Variants in KCNH8 observed in about 807,000 individuals in gnomAD.
KCNH8 encodes potassium voltage-gated channel subfamily H member 8, also known as voltage-gated delayed rectifier potassium channel KCNH8.
KCNH8 carries 70 observed loss-of-function variants against 103.6 expected under a neutral mutation model. The ratio of observed to expected loss-of-function variants is 0.68; its 90% CI spans 0.56 to 0.82. The LOEUF (loss-of-function observed/expected upper bound fraction) is 0.82, where lower values mean the gene tolerates loss of function less well. Ranked by LOEUF, KCNH8 falls within the 40% of genes least tolerant of loss-of-function variation. The pLI, the probability that KCNH8 is intolerant of heterozygous loss-of-function variation, is 0.00. For synonymous variants in KCNH8, 498 were observed against 489.4 expected (o/e 1.02, Z -0.23); for missense variants, 1,217 against 1,329.9 (o/e 0.92, Z 1.32).
chr3:19,260,519 T>TAG, intron 2 of KCNH8, among the ~76,000 whole-genome samples: 1 of 127,158 alleles, frequency 7.9e-6, no homozygotes, highest in East Asian at 2.4e-4. Flanking sequence ...TATATATATA[T>TAG]ATATATATAT....
At chr3:19,487,652 G>C (rs1289503700) in intron 11 of KCNH8, among the ~76,000 whole-genome samples, 2 of 152,252 alleles carry the variant, frequency 1.3e-5, no homozygotes, top group African/African-American at 4.8e-5. Context: ...TAGCTAGACT[G>C]GTTTTATCTC....
rs866918166 is a variant in KCNH8 at position 19,465,010 on chromosome 3, G to A, written c.2040+8028G>A. On this transcript the variant is annotated intron_variant, in intron 11 of 15. Transcript: ENST00000328405. ...AAGGAAATATGAATAGGTAACTCAAGAAAAGTTTTGAAGGCATTACTTAGA... is the reference window on the plus strand; with the variant it reads ...AAGGAAATATGAATAGGTAACTCAAAAAAAGTTTTGAAGGCATTACTTAGA... Among the ~76,000 whole-genome samples, 5 of 152,260 alleles carry A rather than the reference G, an allele frequency of 3.3e-5. 1 individual carries two copies. The highest frequency in any genetic ancestry group is 2.1e-4 in the South Asian group (1 of 4,824).
At chr3:19,505,403 C>A (rs530235220) in intron 11 of KCNH8, among the ~76,000 whole-genome samples, 1 of 152,146 alleles carries the variant, frequency 6.6e-6, no homozygotes, top group African/African-American at 2.4e-5. Flanking sequence ...ACCCCCGTGA[C>A]ACAAGTTTAC....
At chr3:19,201,697 C>A (rs2063665017) in intron 1 of KCNH8, among the ~76,000 whole-genome samples, 1 of 151,946 alleles carries the variant, frequency 6.6e-6, no homozygotes. Flanking sequence ...TCCTGGGTAC[C>A]TTGAAGAACT....
At chr3:19,300,066 T>C (rs560360357) in intron 3 of KCNH8, among the ~76,000 whole-genome samples, 73 of 151,948 alleles carry the variant, frequency 4.8e-4, no homozygotes, top group African/African-American at 1.7e-3. Flanking sequence ...CTGGCCAACA[T>C]GGCGAAACCC....
intron 11 of KCNH8, among the ~76,000 whole-genome samples, chr3:19,506,307 T>A (rs2125237905): frequency 6.6e-6 from 1 of 152,282 alleles, no homozygotes; most frequent in South Asian, 2.1e-4. Context: ...AACTGTGGTG[T>A]AATTTGGGTA....
rs1405181706 is a variant in KCNH8, at chr3:19,527,384, A to G, written c.2620-6011A>G. On this transcript the variant is annotated intron_variant, in intron 15 of 15. Coordinates refer to ENST00000328405, the MANE Select transcript of KCNH8 (RefSeq NM_144633.3). The stretch of plus-strand genomic sequence containing the variant: ...CTTGCAGAAGTTCTCTACCAAGCTT[A>G]GTGCCTGTGTCACAAATCCACTATC... Among the ~76,000 whole-genome samples the G allele has an allele frequency of 2.0e-5, 3 of 152,208 alleles. No individual in the cohort carries two copies. The East Asian group carries it at 5.8e-4, about 29-fold the overall frequency.
intron 1 of KCNH8, among the ~76,000 whole-genome samples, chr3:19,156,166 A>G (rs566303504): frequency 3.9e-5 from 6 of 152,250 alleles, no homozygotes; most frequent in South Asian, 4.1e-4. Context: ...AATAGTGTCT[A>G]TCATCTTGGG....
chr3:19,266,355 G>T (rs1292288912), intron 2 of KCNH8, among the ~76,000 whole-genome samples: 1 of 151,848 alleles, frequency 6.6e-6, no homozygotes, highest in Non-Finnish European at 1.5e-5. Flanking sequence ...AACTTGCCTT[G>T]TGCCTTTGTA....
intron 7 of KCNH8, among the ~76,000 whole-genome samples, chr3:19,419,895 A>G (rs1366555527): frequency 2.6e-5 from 4 of 152,154 alleles, no homozygotes; most frequent in Non-Finnish European, 5.9e-5. Flanking sequence ...TTCATTTTCT[A>G]TTATAATGAT....
intron 5 of KCNH8, among the ~76,000 whole-genome samples, chr3:19,373,587 G>C (rs1559497507): frequency 6.6e-6 from 1 of 151,964 alleles, no homozygotes; most frequent in African/African-American, 2.4e-5. Flanking sequence ...TTTTTGAAGG[G>C]TTTTTTGTGT....
intron 2 of KCNH8, among the ~76,000 whole-genome samples, chr3:19,254,682 A>G (rs978453119): frequency 3.9e-5 from 6 of 152,054 alleles, no homozygotes; most frequent in Admixed American, 6.6e-5. Context: ...AGAACAAACT[A>G]TTATTTTCCT....
chr3:19,259,503 T>C (rs2064399549), intron 2 of KCNH8, among the ~76,000 whole-genome samples: 1 of 151,802 alleles, frequency 6.6e-6, no homozygotes, highest in Admixed American at 6.6e-5. Context: ...GAGGAAACTG[T>C]GATGTAGAAA....
chr3:19,206,168 G>GTATATATATA (rs750765830), intron 1 of KCNH8, among the ~76,000 whole-genome samples: 12 of 139,260 alleles, frequency 8.6e-5, no homozygotes, highest in African/African-American at 3.4e-4. Context: ...TGGTGTGTGT[G>GTATATATATA]TATATATATA....
At chr3:19,206,512 T>C (rs2063718572) in intron 1 of KCNH8, among the ~76,000 whole-genome samples, 1 of 151,852 alleles carries the variant, frequency 6.6e-6, no homozygotes. Flanking sequence ...TTCTAAGTGG[T>C]GGGGATGATA....
rs1258528200 is a variant in KCNH8, at chr3:19,148,510, G to C, written c.-210G>C. The C allele has an allele frequency of 6.9e-6, 4 of 579,692 alleles. No individual in the cohort carries two copies. The African/African-American group carries it at 7.5e-5, about 11-fold the overall frequency. 35.9% of individuals were successfully genotyped at this position (579,692 alleles called of 1,614,324 possible). A position where few individuals can be genotyped will look rare whatever the true frequency, so the allele number is the denominator to read the frequency against. ...GAGGTGCGGGGCGGGCTCGGGGAGC[G>C]CTCTTGGGGCTCCTCCTGCCACAGC... On this transcript the variant is annotated 5_prime_UTR_variant, in exon 1 of 16. Coordinates refer to ENST00000328405, the MANE Select transcript of KCNH8 (RefSeq NM_144633.3).
intron 1 of KCNH8, among the ~76,000 whole-genome samples, chr3:19,193,035 G>A (rs938517866): frequency 6.6e-6 from 1 of 151,506 alleles, no homozygotes; most frequent in Non-Finnish European, 1.5e-5. Flanking sequence ...ATTTATAGAT[G>A]CATTGAAACT....
chr3:19,473,481 T>C (rs1343730301), intron 11 of KCNH8, among the ~76,000 whole-genome samples: 1 of 152,210 alleles, frequency 6.6e-6, no homozygotes, highest in Non-Finnish European at 1.5e-5. Flanking sequence ...AGACTGGCTC[T>C]GGGAGAATTT....
chr3:19,300,604 A>G (rs1008062384), intron 3 of KCNH8, among the ~76,000 whole-genome samples: 59 of 152,252 alleles, frequency 3.9e-4, no homozygotes, highest in African/African-American at 1.3e-3. Context: ...TTAGAAATTT[A>G]ATTTTCAAGG....
Sources: gnomAD v4.1 joint callset for allele counts (sites outside exome capture counted in the v4.1 genomes callset) on GRCh38, gnomAD v4.1.1 for gene constraint, MANE v1.5 for transcripts, NCBI Gene and HGNC (gene_info 2026-07-23, HGNC 2026-07-21) for gene names.